RGS6: variants seen among roughly 807,000 people sequenced by gnomAD.
The protein encoded by RGS6 is regulator of G protein signaling 6.
Under a neutral mutation model 78.5 loss-of-function variants are expected in RGS6, and 30 were observed. That is an observed-to-expected ratio of 0.38 (90% CI 0.29 to 0.52). The LOEUF is 0.52. Among genes scored for constraint, RGS6 ranks in the 20% least tolerant of loss-of-function variants. The pLI is 0.85. For synonymous variants in RGS6, 206 were observed against 206.0 expected, an observed-to-expected ratio of 1.00 and a Z score of 0.00; for missense variants, 495 against 609.7, an observed-to-expected ratio of 0.81 and a Z score of 1.98.
chr14:72,250,142 A>G (rs1165625601), intron 2 of RGS6, among the ~76,000 whole-genome samples: 4 of 151,142 alleles, frequency 2.6e-5, no homozygotes, highest in South Asian at 2.1e-4. Flanking sequence ...CTAATGCTAG[A>G]TGATGAGTTA....
intron 2 of RGS6, among the ~76,000 whole-genome samples, chr14:72,096,919 G>C (rs1016369445): frequency 3.9e-5 from 6 of 152,170 alleles, no homozygotes; most frequent in Non-Finnish European, 5.9e-5. Flanking sequence ...TCTTCCCTTG[G>C]GGATTGAAAG....
At chr14:72,592,620 A>T in the RGS6 span, among the ~76,000 whole-genome samples, 13 of 152,364 alleles carry the variant, frequency 8.5e-5, no homozygotes, top group African/African-American at 2.9e-4. Flanking sequence ...AAGGGAGAAG[A>T]TTTGTGAAGA....
intron 2 of RGS6, among the ~76,000 whole-genome samples, chr14:72,285,639 A>G (rs1214631684): frequency 6.6e-6 from 1 of 152,216 alleles, no homozygotes; most frequent in African/African-American, 2.4e-5. Flanking sequence ...CATTTCCACT[A>G]ACAGTGTACA....
At chr14:72,135,614 A>T (rs906255211) in intron 2 of RGS6, among the ~76,000 whole-genome samples, 6 of 151,100 alleles carry the variant, frequency 4.0e-5, no homozygotes, top group African/African-American at 1.5e-4. Context: ...GTAGCCTAAT[A>T]TTCTTTTTTT....
At chr14:72,473,392 C>T (rs142014560) in intron 9 of RGS6, among the ~76,000 whole-genome samples, 4,338 of 152,198 alleles carry the variant, frequency 0.029, 173 homozygotes, top group Admixed American at 0.091. Flanking sequence ...TGCAGTGAGC[C>T]GAGAGCGCAC....
intron 2 of RGS6, among the ~76,000 whole-genome samples, chr14:72,039,496 T>C (rs956125151): frequency 2.0e-5 from 3 of 152,224 alleles, no homozygotes; most frequent in Non-Finnish European, 4.4e-5. Flanking sequence ...TTGTCTAATA[T>C]TGGTATAGCT....
chr14:72,107,996 T>C (rs530072547), intron 2 of RGS6, among the ~76,000 whole-genome samples: 1 of 152,316 alleles, frequency 6.6e-6, no homozygotes, highest in Admixed American at 6.5e-5. Context: ...AATGCTATAC[T>C]CTCTTCCATT....
intron 3 of RGS6, among the ~76,000 whole-genome samples, chr14:72,363,421 G>A (rs1453681686): frequency 2.6e-5 from 4 of 152,214 alleles, no homozygotes; most frequent in Admixed American, 1.3e-4. Context: ...CCATGAGATA[G>A]AAACCGTTAT....
chr14:72,002,299 C>G lies in RGS6; in HGVS notation c.84+37424C>G, dbSNP rs552931724. Among the ~76,000 whole-genome samples, 13 of 152,176 alleles carry G rather than the reference C, an allele frequency of 8.5e-5. No homozygotes were observed. The South Asian group carries it at 2.7e-3, about 32-fold the overall frequency. ...GATTCAGAGTGACTTACTAACTAGCCCCAGATCACACAGCTTATTAGAGGC... is the reference window on the plus strand; with the variant it reads ...GATTCAGAGTGACTTACTAACTAGCGCCAGATCACACAGCTTATTAGAGGC... On this transcript the variant is annotated intron_variant, in intron 2 of 17. Coordinates refer to ENST00000553525, the MANE Select transcript of RGS6 (RefSeq NM_001204424.2).
At chr14:72,510,117 A>G (rs766879920) in intron 13 of RGS6, 37 bp from the exon 14 acceptor site, 3 of 1,547,474 alleles carry the variant, frequency 1.9e-6, no homozygotes, top group African/African-American at 1.4e-5. Flanking sequence ...TTTCTCTGGT[A>G]TTGATCTTCT....
At chr14:72,282,929 A>G (rs1425006521) in intron 2 of RGS6, among the ~76,000 whole-genome samples, 2 of 152,028 alleles carry the variant, frequency 1.3e-5, no homozygotes, top group Admixed American at 6.6e-5. Context: ...ATAACTCCCT[A>G]TCTCTCCCTA....
chr14:71,934,204 C>T (rs761502862), intron 1 of RGS6, among the ~76,000 whole-genome samples: 1 of 152,168 alleles, frequency 6.6e-6, no homozygotes, highest in Non-Finnish European at 1.5e-5. Context: ...CCAAATCTCG[C>T]ATGCTATAGA....
intron 3 of RGS6, among the ~76,000 whole-genome samples, chr14:72,372,186 A>T (rs1044195935): frequency 2.0e-5 from 3 of 152,242 alleles, no homozygotes; most frequent in African/African-American, 7.2e-5. Context: ...CACGTATTAT[A>T]TATACAAAAC....
chr14:72,110,180 G>T lies in RGS6; in HGVS notation c.84+145305G>T, dbSNP rs2095723153. 2.6e-5 allele frequency among the ~76,000 whole-genome samples: 4 copies of T among 152,114 alleles called. No individual in the cohort carries two copies. In the South Asian group the frequency reaches 8.3e-4, roughly 32 times the overall value. ...TATTCCAGACATCATTGGCTGCTTT[G>T]TATACATATTCTTATTTAACCCTCA... is the stretch of plus-strand genomic sequence containing the variant. On this transcript the variant is annotated intron_variant, in intron 2 of 17. Coordinates refer to ENST00000553525, the MANE Select transcript of RGS6 (RefSeq NM_001204424.2).
At chr14:71,932,228 G>GAAC (rs1040048156), upstream of RGS6, among the ~76,000 whole-genome samples, 2 of 152,086 alleles carry the variant, frequency 1.3e-5, no homozygotes, top group African/African-American at 4.8e-5. Flanking sequence ...GCGGCTCTGG[G>GAAC]AACAGGTGAG....
chr14:72,620,057 C>G, the RGS6 span: 1 of 1,425,316 alleles, frequency 7.0e-7, no homozygotes, highest in Non-Finnish European at 9.3e-7. Flanking sequence ...CCCCCGCTTA[C>G]CCATCAGCCT....
the RGS6 span, among the ~76,000 whole-genome samples, chr14:72,597,955 G>C: frequency 1.3e-5 from 2 of 152,308 alleles, no homozygotes; most frequent in East Asian, 3.9e-4. Context: ...CCACTCAAGG[G>C]TGTTGAGACA....
At chr14:72,622,668 C>A in the RGS6 span, among the ~76,000 whole-genome samples, 1 of 152,008 alleles carries the variant, frequency 6.6e-6, no homozygotes, top group Non-Finnish European at 1.5e-5. Flanking sequence ...TCTTCCACCA[C>A]CAAGAGCCCC....
intron 17 of RGS6, among the ~76,000 whole-genome samples, chr14:72,550,086 G>A (rs768072765): frequency 4.0e-5 from 6 of 151,868 alleles, no homozygotes; most frequent in East Asian, 1.9e-4. Flanking sequence ...TCAACTCATC[G>A]TGGGATTGTG....
Sources: allele counts gnomAD v4.1 joint callset (sites outside exome capture counted in the v4.1 genomes callset), GRCh38; gene constraint gnomAD v4.1.1; transcripts MANE v1.5; gene names NCBI Gene and HGNC (gene_info 2026-07-23, HGNC 2026-07-21).